PLXNA4: variants seen among roughly 807,000 people sequenced by gnomAD.
The protein encoded by PLXNA4 is plexin-A4.
In PLXNA4, 44 loss-of-function variants were observed where a neutral mutation model predicts 191.8. The observed-to-expected ratio is 0.23, with a 90% confidence interval of 0.18 to 0.29. PLXNA4 has a LOEUF of 0.29. Ranked by LOEUF, PLXNA4 falls within the 10% of genes least tolerant of loss-of-function variation. The pLI is 1.00. For synonymous variants in PLXNA4, 1,082 were observed against 1,009.5 expected (o/e 1.07, Z -1.36); for missense variants, 1,800 against 2,488.8 (o/e 0.72, Z 5.89).
At chr7:132,491,347 C>G (rs569146074) in intron 2 of PLXNA4, among the ~76,000 whole-genome samples, 17 of 152,306 alleles carry the variant, frequency 1.1e-4, no homozygotes, top group African/African-American at 3.9e-4. Flanking sequence ...AGGCCACAGG[C>G]GTTCACCTGG....
At chr7:132,561,534 T>TCTCCTCCTC (rs1179336574) in intron 1 of PLXNA4, among the ~76,000 whole-genome samples, 1 of 56,098 alleles carries the variant, frequency 1.8e-5, no homozygotes, top group African/African-American at 9.3e-5. Flanking sequence ...TCCTCCTCCT[T>TCTCCTCCTC]CTCCTCCTCC....
intron 2 of PLXNA4, among the ~76,000 whole-genome samples, chr7:132,624,075 C>T (rs1803324245): frequency 6.6e-6 from 1 of 152,146 alleles, no homozygotes; most frequent in South Asian, 2.1e-4. Context: ...ATATTCAGAA[C>T]CTACTATGAT....
At chr7:132,177,141 ATG>A (rs916738635) in intron 20 of PLXNA4, among the ~76,000 whole-genome samples, 3 of 148,126 alleles carry the variant, frequency 2.0e-5, no homozygotes, top group African/African-American at 7.5e-5. Flanking sequence ...GCATGTCACT[ATG>A]TGTGGGCATG....
chr7:132,521,202 A>T (rs917908829), intron 1 of PLXNA4, among the ~76,000 whole-genome samples: 8 of 149,930 alleles, frequency 5.3e-5, no homozygotes, highest in Non-Finnish European at 1.2e-4. Flanking sequence ...AAAAAAAAAA[A>T]TTCAGAATGA....
At chr7:132,137,936 G>A (rs556908906) in intron 30 of PLXNA4, among the ~76,000 whole-genome samples, 39 of 151,132 alleles carry the variant, frequency 2.6e-4, no homozygotes, top group Admixed American at 5.3e-4. Context: ...AAGGATGGGC[G>A]CAAAGATGGG....
intron 2 of PLXNA4, among the ~76,000 whole-genome samples, chr7:132,600,615 C>A (rs1802799003): frequency 6.6e-6 from 1 of 152,164 alleles, no homozygotes. Flanking sequence ...TCCCTGGATC[C>A]CCTGGCCTCA....
At chr7:132,405,584 G>A (rs1196337029) in intron 3 of PLXNA4, among the ~76,000 whole-genome samples, 1 of 152,166 alleles carries the variant, frequency 6.6e-6, no homozygotes, top group Non-Finnish European at 1.5e-5. Flanking sequence ...GGCTTAGCAG[G>A]CCTCCTCAAT....
At chr7:132,322,932 TG>T (rs1265183012) in intron 3 of PLXNA4, among the ~76,000 whole-genome samples, 1 of 152,196 alleles carries the variant, frequency 6.6e-6, no homozygotes, top group Non-Finnish European at 1.5e-5. Context: ...ACTATCTCAC[TG>T]GGTCCCCTCT....
chr7:132,238,157 T>C (rs1373887041), intron 5 of PLXNA4, among the ~76,000 whole-genome samples: 1 of 152,182 alleles, frequency 6.6e-6, no homozygotes, highest in East Asian at 1.9e-4. Context: ...TTCAGGTATG[T>C]GTTATAGTGC....
intron 3 of PLXNA4, among the ~76,000 whole-genome samples, chr7:132,392,451 T>C (rs943192696): frequency 3.0e-4 from 45 of 152,312 alleles, no homozygotes; most frequent in African/African-American, 9.6e-4. Flanking sequence ...CAATCTGTCC[T>C]CACAATCTTT....
At chr7:132,390,191 G>A (rs2116986788) in intron 3 of PLXNA4, among the ~76,000 whole-genome samples, 1 of 152,270 alleles carries the variant, frequency 6.6e-6, no homozygotes, top group South Asian at 2.1e-4. Context: ...TGATAGACTG[G>A]ACAAAGAAAA....
intron 1 of PLXNA4, among the ~76,000 whole-genome samples, chr7:132,566,970 A>G (rs977498898): frequency 5.3e-5 from 8 of 152,144 alleles, no homozygotes; most frequent in African/African-American, 1.7e-4. Context: ...CTCTGAAGTA[A>G]ACCAAAACTT....
chr7:132,444,873 T>G (rs1383697482), intron 3 of PLXNA4, among the ~76,000 whole-genome samples: 1 of 151,858 alleles, frequency 6.6e-6, no homozygotes, highest in Non-Finnish European at 1.5e-5. Flanking sequence ...ACCCTTAAGA[T>G]TGGTTCTCGG....
At chr7:132,514,027 A>G (rs1348872067) in intron 1 of PLXNA4, among the ~76,000 whole-genome samples, 1 of 150,708 alleles carries the variant, frequency 6.6e-6, no homozygotes, top group East Asian at 2.0e-4. Flanking sequence ...AGTATGTCAC[A>G]TAGAAAAGAT....
At chr7:132,146,480 C>T (rs1795437782) in intron 28 of PLXNA4, 30 bp downstream of exon 28, 2 of 1,614,120 alleles carry the variant, frequency 1.2e-6, no homozygotes, top group Non-Finnish European at 1.7e-6. Context: ...AGCCTCTGGG[C>T]TCCCTGCACC....
At chr7:132,459,114 AG>A (rs1334059561) in intron 3 of PLXNA4, among the ~76,000 whole-genome samples, 1 of 152,112 alleles carries the variant, frequency 6.6e-6, no homozygotes, top group Non-Finnish European at 1.5e-5. Context: ...CGACCGAACC[AG>A]AGCCCGCGCT....
intron 2 of PLXNA4, among the ~76,000 whole-genome samples, chr7:132,503,340 A>G (rs564281638): frequency 6.6e-6 from 1 of 152,306 alleles, no homozygotes; most frequent in East Asian, 1.9e-4. Context: ...TAGTTTATTA[A>G]GAGGTGCTAG....
At chr7:132,474,063 A>C (rs1157172057) in intron 3 of PLXNA4, among the ~76,000 whole-genome samples, 1 of 139,942 alleles carries the variant, frequency 7.1e-6, no homozygotes, top group Non-Finnish European at 1.6e-5. Context: ...AAAACAAAAC[A>C]AAACAAAAAA....
chr7:132,151,990 T>C (rs1157767753), intron 25 of PLXNA4, among the ~76,000 whole-genome samples: 1 of 152,218 alleles, frequency 6.6e-6, no homozygotes, highest in Non-Finnish European at 1.5e-5. Context: ...CCTGCCCTCC[T>C]TCCTTTCCTG....
Sources: gnomAD v4.1 joint callset for allele counts (sites outside exome capture counted in the v4.1 genomes callset) on GRCh38, gnomAD v4.1.1 for gene constraint, MANE v1.5 for transcripts, NCBI Gene and HGNC (gene_info 2026-07-23, HGNC 2026-07-21) for gene names.